The following C12orf50 variants were observed in gnomAD, a reference collection of about 807,000 sequenced individuals.
C12orf50 encodes zinc finger CCCH-type containing 11D, also known as uncharacterized protein C12orf50.
Under a neutral mutation model 61.6 loss-of-function variants are expected in C12orf50, and 35 were observed. The observed-to-expected ratio is 0.57, with a 90% CI of 0.43 to 0.75. The LOEUF (loss-of-function observed/expected upper bound fraction) is 0.75, where lower values mean the gene tolerates loss of function less well. Ranked by LOEUF, C12orf50 falls within the 30% of genes least tolerant of loss-of-function variation. The pLI, the probability that C12orf50 is intolerant of heterozygous loss-of-function variation, is 0.00. For missense variants in C12orf50, 475 were observed against 488.5 expected (o/e 0.97, Z 0.26); for synonymous variants, 178 against 161.5 (o/e 1.10, Z -0.77).
In C12orf50 at chr12:88,027,015, C is replaced by T. The variant is rs2032731510; in HGVS notation, c.-53G>A. The T allele has an allele frequency of 6.2e-7, 1 of 1,613,894 alleles. No homozygotes were observed. The highest frequency in any genetic ancestry group is 1.7e-5 in the Admixed American group (1 of 59,976). ...ACATTTCCTCTCTCTCCATAATGAGCACACAGTGTCACTGCCAAGGGCCTC... is the reference window on the plus strand; with the variant it reads ...ACATTTCCTCTCTCTCCATAATGAGTACACAGTGTCACTGCCAAGGGCCTC... On this transcript the variant is annotated 5_prime_UTR_variant, in exon 2 of 13. Coordinates refer to ENST00000298699, the MANE Select transcript of C12orf50 (RefSeq NM_152589.3).
Position 87,996,629 on chromosome 12 carries a change from T to C in C12orf50, c.307A>G (p.Thr103Ala). The C allele has an allele frequency of 6.2e-7, 1 of 1,607,602 alleles. No homozygotes were observed. Among genetic ancestry groups the C allele is most frequent in the Non-Finnish European group, 8.5e-7 (1 of 1,174,788 alleles). ...DEQNDASSLW[T>A]KTPEEIEEKR... ...TCTTCAATTTCTTCAGGGGTCTTTGTCCATAAACTAGAAGCATCTATAGGA... is the reference window on the plus strand; with the variant it reads ...TCTTCAATTTCTTCAGGGGTCTTTGCCCATAAACTAGAAGCATCTATAGGA... Residue 103 changes from threonine (T) to alanine (A), a missense_variant, in exon 5 of 13, where the codon ACA (threonine) becomes GCA (alanine). Physicochemically the swap from Thr to Ala is moderately conservative, Grantham distance 58. Coordinates refer to ENST00000298699, the MANE Select transcript of C12orf50 (RefSeq NM_152589.3).
At chr12:88,012,920 C>T (rs756805138) in intron 3 of C12orf50, among the ~76,000 whole-genome samples, 2 of 151,864 alleles carry the variant, frequency 1.3e-5, no homozygotes, top group Admixed American at 6.6e-5. Context: ...CAAAATTAGT[C>T]GGGCATGGCG....
intron 3 of C12orf50, among the ~76,000 whole-genome samples, chr12:88,002,371 A>G (rs2031688849): frequency 6.6e-6 from 1 of 151,766 alleles, no homozygotes; most frequent in African/African-American, 2.4e-5. Flanking sequence ...ATCATTTTAA[A>G]TTTATTCAGG....
intron 7 of C12orf50, among the ~76,000 whole-genome samples, chr12:87,991,173 C>A (rs1377350067): frequency 6.6e-6 from 1 of 152,112 alleles, no homozygotes; most frequent in Admixed American, 6.6e-5. Flanking sequence ...TTCACAGAAT[C>A]AAGGTGGTCT....
At chr12:88,029,737 C>G (rs1250177850), upstream of C12orf50, among the ~76,000 whole-genome samples, 1 of 152,080 alleles carries the variant, frequency 6.6e-6, no homozygotes, top group Non-Finnish European at 1.5e-5. Flanking sequence ...GGTAAATGAG[C>G]TACTCATATT....
chr12:87,991,516 G>T (rs1395626036), intron 7 of C12orf50, among the ~76,000 whole-genome samples: 2 of 152,096 alleles, frequency 1.3e-5, no homozygotes, highest in East Asian at 3.9e-4. Context: ...AGGACAGTAG[G>T]TTGTCAGAAA....
At chr12:88,009,359 A>C (rs1248461699) in intron 3 of C12orf50, among the ~76,000 whole-genome samples, 9 of 152,036 alleles carry the variant, frequency 5.9e-5, no homozygotes, top group Non-Finnish European at 1.2e-4. Context: ...ATTATATCTC[A>C]AAGTGCTTTC....
At chr12:88,002,839 A>G (rs2031706893) in intron 3 of C12orf50, among the ~76,000 whole-genome samples, 1 of 151,486 alleles carries the variant, frequency 6.6e-6, no homozygotes, top group Non-Finnish European at 1.5e-5. Context: ...CATTTTTATA[A>G]TATTTTCTTA....
chr12:88,023,236 T>A (rs2032581345), intron 3 of C12orf50, among the ~76,000 whole-genome samples: 1 of 148,222 alleles, frequency 6.7e-6, no homozygotes, highest in African/African-American at 2.6e-5. Flanking sequence ...TTGACAAAGG[T>A]GACAAAAATA....
intron 12 of C12orf50, among the ~76,000 whole-genome samples, chr12:87,981,281 TG>T (rs2030455506): frequency 6.6e-6 from 1 of 152,126 alleles, no homozygotes. Context: ...AGAATGGTTG[TG>T]GTTGTGAGAG....
At chr12:88,012,401 G>A (rs187517726) in intron 3 of C12orf50, among the ~76,000 whole-genome samples, 9 of 152,196 alleles carry the variant, frequency 5.9e-5, no homozygotes, top group African/African-American at 1.4e-4. Flanking sequence ...TTGTATAAAC[G>A]AATTATTTAT....
intron 4 of C12orf50, among the ~76,000 whole-genome samples, chr12:87,997,138 T>C (rs2031431142): frequency 6.7e-6 from 1 of 149,070 alleles, no homozygotes. Context: ...AGGCAAAGGA[T>C]GAACTAAAAT....
chr12:88,007,174 C>T (rs2031917068), intron 3 of C12orf50, among the ~76,000 whole-genome samples: 1 of 152,056 alleles, frequency 6.6e-6, no homozygotes, highest in African/African-American at 2.4e-5. Flanking sequence ...TTCACAATAT[C>T]TTAGAAAAAA....
chr12:88,028,988 T>C, intron 1 of C12orf50: 1 of 749,794 alleles, frequency 1.3e-6, no homozygotes, highest in Non-Finnish European at 1.7e-6. Context: ...TGTTCAGCAA[T>C]ACAAGTTATT....
chr12:88,010,560 A>G (rs776059057), intron 3 of C12orf50, among the ~76,000 whole-genome samples: 2 of 150,836 alleles, frequency 1.3e-5, no homozygotes, highest in Non-Finnish European at 3.0e-5. Context: ...ATAATGAGAA[A>G]ATTTTTACTT....
At chr12:88,024,084 C>T (rs1417861543) in intron 3 of C12orf50, among the ~76,000 whole-genome samples, 2 of 152,086 alleles carry the variant, frequency 1.3e-5, no homozygotes, top group African/African-American at 4.8e-5. Context: ...GAAATACCAC[C>T]TCATACCAAT....
intron 2 of C12orf50, 131 bp from the exon 3 acceptor site, chr12:88,026,739 C>T (rs2032722215): frequency 1.5e-6 from 2 of 1,342,246 alleles, no homozygotes; most frequent in South Asian, 1.5e-5. Context: ...GTGTGTCTTC[C>T]AGCTTTCAGT....
intron 3 of C12orf50, among the ~76,000 whole-genome samples, chr12:88,009,169 A>G (rs906153592): frequency 6.6e-6 from 1 of 152,096 alleles, no homozygotes; most frequent in African/African-American, 2.4e-5. Flanking sequence ...TATGCTTCAA[A>G]AGTGGAATTG....
rs183229102 is a variant in C12orf50, at chr12:88,012,290, A to G, written c.134-14100T>C. 1.9e-3 allele frequency among the ~76,000 whole-genome samples: 297 copies of G among 152,320 alleles called. 1 individual carries two copies. Among genetic ancestry groups the G allele is most frequent in the South Asian group, 0.013 (63 of 4,826 alleles). The stretch of plus-strand genomic sequence containing the variant: ...AACAAATTCAGTTTTTTTTAAACAG[A>G]TGTCATAAATGCAATCATAATGCAG... On this transcript the variant is annotated intron_variant, in intron 3 of 12. Coordinates refer to ENST00000298699, the MANE Select transcript of C12orf50 (RefSeq NM_152589.3).
Sources: gnomAD v4.1 joint callset for allele counts (sites outside exome capture counted in the v4.1 genomes callset) on GRCh38, gnomAD v4.1.1 for gene constraint, MANE v1.5 for transcripts, NCBI Gene and HGNC (gene_info 2026-07-23, HGNC 2026-07-21) for gene names.